CSMD1: variants seen among roughly 807,000 people sequenced by gnomAD.
The protein encoded by CSMD1 is CUB and Sushi multiple domains 1.
A neutral mutation model predicts 417.5 loss-of-function variants in CSMD1; 213 were observed. That is an observed-to-expected ratio of 0.51 (90% CI 0.46 to 0.57). The LOEUF (loss-of-function observed/expected upper bound fraction) is 0.57, where lower values mean the gene tolerates loss of function less well. Ranked by LOEUF, CSMD1 falls within the 20% of genes least tolerant of loss-of-function variation. The pLI, the probability that CSMD1 is intolerant of heterozygous loss-of-function variation, is 0.00. For missense variants in CSMD1, 6,923 were observed against 4,529.7 expected (o/e 1.53, Z -15.17); for synonymous variants, 2,862 against 1,736.8 (o/e 1.65, Z -16.11).
chr8:3,659,408 A>G (rs1008447458), intron 7 of CSMD1, among the ~76,000 whole-genome samples: 1 of 152,228 alleles, frequency 6.6e-6, no homozygotes, highest in Admixed American at 6.5e-5. Context: ...AACGGGTCTC[A>G]GTGTTTAGAA....
chr8:3,525,904 G>A (rs893939173), intron 10 of CSMD1, among the ~76,000 whole-genome samples: 1 of 152,104 alleles, frequency 6.6e-6, no homozygotes, highest in Admixed American at 6.5e-5. Context: ...AGCCAACTGG[G>A]CACCTACCAC....
chr8:3,706,879 G>T (rs188000878), intron 7 of CSMD1, among the ~76,000 whole-genome samples: 1 of 152,028 alleles, frequency 6.6e-6, no homozygotes, highest in African/African-American at 2.4e-5. Context: ...TCCTTCTACT[G>T]TTTCTCAGAT....
chr8:3,493,532 C>T (rs925351104), intron 11 of CSMD1, 91 bp downstream of exon 11: 43 of 1,097,664 alleles, frequency 3.9e-5, no homozygotes, highest in South Asian at 3.5e-4. Context: ...CACCTGAGGC[C>T]GAATTACAAG....
chr8:3,576,049 A>T (rs1800138053), intron 9 of CSMD1, among the ~76,000 whole-genome samples: 1 of 152,126 alleles, frequency 6.6e-6, no homozygotes, highest in Admixed American at 6.5e-5. Context: ...CATAGGAAGG[A>T]TTAATCCTCG....
At chr8:4,565,664 G>C (rs1163827415) in intron 2 of CSMD1, among the ~76,000 whole-genome samples, 1 of 150,738 alleles carries the variant, frequency 6.6e-6, no homozygotes, top group Non-Finnish European at 1.5e-5. Flanking sequence ...GAACCAAGGA[G>C]GCAGAGGTTG....
intron 3 of CSMD1, among the ~76,000 whole-genome samples, chr8:4,277,450 C>G (rs1237440755): frequency 1.3e-5 from 2 of 152,162 alleles, no homozygotes; most frequent in Non-Finnish European, 2.9e-5. Context: ...CAGTCAACCT[C>G]CTCACCACAT....
chr8:4,984,672 G>C (rs1016113297), intron 1 of CSMD1, among the ~76,000 whole-genome samples: 2 of 152,188 alleles, frequency 1.3e-5, no homozygotes, highest in Non-Finnish European at 2.9e-5. Flanking sequence ...TTGCCAGATA[G>C]ATGGAGAGAA....
intron 3 of CSMD1, among the ~76,000 whole-genome samples, chr8:4,173,849 C>G (rs1797896030): frequency 6.6e-6 from 1 of 152,158 alleles, no homozygotes; most frequent in African/African-American, 2.4e-5. Context: ...TTCCCTACTT[C>G]TTGGGAAGTC....
chr8:4,599,424 T>G (rs1299959610), intron 2 of CSMD1, among the ~76,000 whole-genome samples: 1 of 151,930 alleles, frequency 6.6e-6, no homozygotes, highest in Non-Finnish European at 1.5e-5. Flanking sequence ...TTGATAATCC[T>G]AAATTGGAGT....
chr8:2,987,486 T>C (rs925779522), intron 54 of CSMD1, among the ~76,000 whole-genome samples: 2 of 150,630 alleles, frequency 1.3e-5, no homozygotes, highest in African/African-American at 4.9e-5. Context: ...ATACATAAAA[T>C]GCAATAAAAT....
chr8:4,885,344 T>C (rs969102127), intron 1 of CSMD1, among the ~76,000 whole-genome samples: 1 of 152,140 alleles, frequency 6.6e-6, no homozygotes, highest in African/African-American at 2.4e-5. Context: ...TTGCCTAATA[T>C]GCTTTCTAAA....
intron 3 of CSMD1, among the ~76,000 whole-genome samples, chr8:4,196,815 G>C (rs1053350511): frequency 6.6e-6 from 1 of 152,050 alleles, no homozygotes; most frequent in Non-Finnish European, 1.5e-5. Context: ...AGGGATTAAG[G>C]AATGAACACA....
rs181169325 is a variant in CSMD1 at position 3,941,124 on chromosome 8, T to C, written c.818+56779A>G. Among the ~76,000 whole-genome samples, 450 of 152,156 alleles carry C rather than the reference T, an allele frequency of 3.0e-3. 4 individuals carry two copies. The highest frequency in any genetic ancestry group is 0.02 in the Middle Eastern group (6 of 294). The stretch of plus-strand genomic sequence containing the variant: ...TATGCTAGAAAATAAAAATAACTCA[T>C]ATGTATACAGTTAAGAAGAAATAAA... On this transcript the variant is annotated intron_variant, in intron 5 of 69. Transcript: ENST00000635120.
At chr8:3,785,989 G>A (rs898708543) in intron 5 of CSMD1, among the ~76,000 whole-genome samples, 1 of 152,214 alleles carries the variant, frequency 6.6e-6, no homozygotes, top group African/African-American at 2.4e-5. Flanking sequence ...GGAGACCTGA[G>A]TACTTAGGCT....
chr8:4,871,341 C>A (rs114323613), intron 1 of CSMD1, among the ~76,000 whole-genome samples: 1 of 152,080 alleles, frequency 6.6e-6, no homozygotes. Flanking sequence ...ATGCTTCCAG[C>A]TATGCATATT....
At chr8:3,635,144 G>C (rs894529563) in intron 7 of CSMD1, among the ~76,000 whole-genome samples, 5 of 152,110 alleles carry the variant, frequency 3.3e-5, no homozygotes, top group South Asian at 2.1e-4. Flanking sequence ...TGGACGGTGA[G>C]TGCGTGTGAA....
intron 12 of CSMD1, among the ~76,000 whole-genome samples, chr8:3,454,274 A>G (rs1253311605): frequency 1.3e-5 from 2 of 152,128 alleles, no homozygotes; most frequent in African/African-American, 4.8e-5. Flanking sequence ...CCAATTTGCC[A>G]GTCTGTGTCT....
intron 50 of CSMD1, among the ~76,000 whole-genome samples, chr8:3,029,861 TC>T (rs1810224343): frequency 6.6e-6 from 1 of 152,016 alleles, no homozygotes; most frequent in African/African-American, 2.4e-5. Flanking sequence ...ACATATAATT[TC>T]CCTCAATATC....
At chr8:4,034,100 T>C (rs28619263) in intron 3 of CSMD1, among the ~76,000 whole-genome samples, 8,582 of 152,272 alleles carry the variant, frequency 0.056, 804 homozygotes, top group African/African-American at 0.19. Context: ...TTTTAATGTA[T>C]TGATATAATG....
Sources: allele counts gnomAD v4.1 joint callset (sites outside exome capture counted in the v4.1 genomes callset), GRCh38; gene constraint gnomAD v4.1.1; transcripts MANE v1.5; gene names NCBI Gene and HGNC (gene_info 2026-07-23, HGNC 2026-07-21).